Variants in ARL6IP6 observed in about 807,000 individuals in gnomAD.
ARL6IP6 encodes the protein ADP-ribosylation factor-like protein 6-interacting protein 6.
ARL6IP6 carries 22 observed loss-of-function variants against 21.5 expected under a neutral mutation model. That is an observed-to-expected ratio of 1.02 (90% CI 0.73 to 1.46). The LOEUF is 1.46. ARL6IP6 is among the 40% of genes most tolerant of loss of function. ARL6IP6 has a pLI of 0.00. For missense variants in ARL6IP6, 388 were observed against 299.8 expected, an observed-to-expected ratio of 1.29 and a Z score of -2.17; for synonymous variants, 164 against 125.3, an observed-to-expected ratio of 1.31 and a Z score of -2.06.
Position 152,759,967 on chromosome 2 carries a change from C to T in ARL6IP6, c.*127C>T, listed in dbSNP as rs1701760494. On this transcript the variant is annotated 3_prime_UTR_variant, in exon 4 of 4. Coordinates refer to ENST00000326446, the MANE Select transcript of ARL6IP6 (RefSeq NM_152522.7). Reference sequence around the variant, plus strand: ...TTCATTATGTAGTTCAGATATTTATCACAATCATCCTCATTATGGAAGACC... The same window carrying T: ...TTCATTATGTAGTTCAGATATTTATTACAATCATCCTCATTATGGAAGACC... 3 of 717,152 alleles carry T rather than the reference C, an allele frequency of 4.2e-6. No individual in the cohort carries two copies. Among genetic ancestry groups the T allele is most frequent in the African/African-American group, 3.5e-5 (2 of 56,484 alleles). 44.4% of individuals were successfully genotyped at this position (717,152 alleles called of 1,614,324 possible). A position where few individuals can be genotyped will look rare whatever the true frequency, so the allele number is the denominator to read the frequency against.
At position 152,744,554 on chromosome 2, in the gene ARL6IP6, G is replaced by A. The variant is rs1330258998; in HGVS notation, c.587+9428G>A. ...GGCATATGCCAAGGTAAAGAGTGGT[G>A]TCTTTTTTTCACAAATGCCTGCTAA... On this transcript the variant is annotated intron_variant, in intron 3 of 3. Transcript: ENST00000326446. 2.0e-5 allele frequency among the ~76,000 whole-genome samples: 3 copies of A among 152,212 alleles called. No homozygotes were observed. In the East Asian group the frequency reaches 5.8e-4, roughly 29 times the overall value.
intron 2 of ARL6IP6, among the ~76,000 whole-genome samples, chr2:152,724,054 A>G (rs979577326): frequency 6.6e-6 from 1 of 150,698 alleles, no homozygotes; most frequent in African/African-American, 2.4e-5. Context: ...CTATAGCACA[A>G]TTTTTGTAAA....
At chr2:152,718,406 C>T (rs367955105), upstream of ARL6IP6, 70 of 551,934 alleles carry the variant, frequency 1.3e-4, no homozygotes, top group Middle Eastern at 1.0e-3. Flanking sequence ...CCCTTTCCGG[C>T]TACAGCCCTG....
chr2:152,742,608 A>G (rs1700867624), intron 3 of ARL6IP6, among the ~76,000 whole-genome samples: 1 of 150,228 alleles, frequency 6.7e-6, no homozygotes, highest in Admixed American at 6.7e-5. Context: ...TTTGGGGTTC[A>G]TTCTAGGCTT....
chr2:152,729,663 T>G (rs1455091448), intron 2 of ARL6IP6, among the ~76,000 whole-genome samples: 2 of 152,166 alleles, frequency 1.3e-5, no homozygotes, highest in African/African-American at 4.8e-5. Context: ...CAGAACCATT[T>G]TTCTGGTGAG....
chr2:152,718,634 G>C lies in ARL6IP6; in HGVS notation c.10G>C (p.Ala4Pro). 6.5e-7 allele frequency: 1 copy of C among 1,537,102 alleles called. No individual in the cohort carries two copies. Among genetic ancestry groups the C allele is most frequent in the Non-Finnish European group, 8.8e-7 (1 of 1,141,060 alleles). The change falls in exon 1 of 4, where the codon GCT (alanine) becomes CCT (proline). Residue 4 changes from alanine (A) to proline (P), a missense_variant. Transcript: ENST00000326446. Reference sequence around the variant, plus strand: ...CGTTGTGTTTCGCGCCATGTCGTTTGCTGAGAGCGGGTGGCGGTCGGCTCT... The same window carrying C: ...CGTTGTGTTTCGCGCCATGTCGTTTCCTGAGAGCGGGTGGCGGTCGGCTCT... Reference protein sequence around the residue: MSFAESGWRSALRR... With the variant: MSFPESGWRSALRR...
rs757672526 is a variant in ARL6IP6 at position 152,718,909 on chromosome 2, G to C, written c.285G>C (p.Ala95=). The change falls in exon 1 of 4, where the codon GCG becomes GCC. Residue 95 remains alanine (A), a synonymous_variant. Transcript: ENST00000326446. The part of the protein sequence containing the change: ...DKRNGIFPAA[A]GSRAQPRRWP... ...GCAATGGTATCTTTCCCGCGGCCGC[G>C]GGCAGCAGAGCCCAGCCTCGGCGGT... 1 of 1,613,786 alleles carries C rather than the reference G, an allele frequency of 6.2e-7. No homozygotes were observed. The highest frequency in any genetic ancestry group is 1.3e-5 in the African/African-American group (1 of 74,908).
At chr2:152,755,592 G>C (rs1276010853) in intron 3 of ARL6IP6, among the ~76,000 whole-genome samples, 1 of 152,126 alleles carries the variant, frequency 6.6e-6, no homozygotes, top group Non-Finnish European at 1.5e-5. Context: ...TCTCTGCCTT[G>C]GCTGCCAGGC....
chr2:152,729,964 T>C (rs916457102), intron 2 of ARL6IP6, among the ~76,000 whole-genome samples: 1 of 152,208 alleles, frequency 6.6e-6, no homozygotes, highest in Non-Finnish European at 1.5e-5. Flanking sequence ...GTAAAAAATT[T>C]AGTTGTTGGG....
intron 3 of ARL6IP6, among the ~76,000 whole-genome samples, chr2:152,742,570 TAA>T (rs71396304): frequency 1.1e-3 from 132 of 115,982 alleles, no homozygotes; most frequent in East Asian, 1.2e-3. Context: ...ATACGCTCTT[TAA>T]AAAAAAAAAA....
intron 3 of ARL6IP6, among the ~76,000 whole-genome samples, chr2:152,752,937 C>T (rs1376836385): frequency 6.6e-6 from 1 of 151,986 alleles, no homozygotes; most frequent in African/African-American, 2.4e-5. Context: ...ATTCCCTGCC[C>T]CCAGATCTTG....
upstream of ARL6IP6, chr2:152,718,597 C>A: frequency 1.3e-6 from 2 of 1,501,430 alleles, no homozygotes; most frequent in South Asian, 1.4e-5. Flanking sequence ...GAGGCTCGTT[C>A]TCCGCGGGTT....
At chr2:152,753,407 T>C (rs1298565662) in intron 3 of ARL6IP6, among the ~76,000 whole-genome samples, 1 of 152,226 alleles carries the variant, frequency 6.6e-6, no homozygotes, top group East Asian at 1.9e-4. Flanking sequence ...TTTTAGATGC[T>C]GTAGTCTATT....
chr2:152,737,222 A>G (rs1700593512), intron 3 of ARL6IP6, among the ~76,000 whole-genome samples: 2 of 152,110 alleles, frequency 1.3e-5, no homozygotes, highest in Admixed American at 1.3e-4. Context: ...TTGAGAAGTC[A>G]TGATTTTACT....
chr2:152,718,555 G>C, upstream of ARL6IP6: 1 of 1,486,126 alleles, frequency 6.7e-7, no homozygotes, highest in Non-Finnish European at 8.9e-7. Context: ...CCGCGGATTG[G>C]CTGTTGCGGA....
chr2:152,732,002 T>C (rs78538177), intron 2 of ARL6IP6, among the ~76,000 whole-genome samples: 4,439 of 152,176 alleles, frequency 0.029, 228 homozygotes, highest in African/African-American at 0.1. Flanking sequence ...AGTATTCTAT[T>C]GTATGGATGT....
At chr2:152,754,003 G>A (rs1701461785) in intron 3 of ARL6IP6, among the ~76,000 whole-genome samples, 1 of 151,724 alleles carries the variant, frequency 6.6e-6, no homozygotes, top group Non-Finnish European at 1.5e-5. Context: ...GCCCGGTCCA[G>A]GTCCTTTTTA....
chr2:152,759,899 G>GA lies in ARL6IP6; in HGVS notation c.*61dup, dbSNP rs1174754987. 2.1e-6 allele frequency: 3 copies of GA among 1,415,552 alleles called. No homozygotes were observed. The highest frequency in any genetic ancestry group is 3.0e-6 in the Non-Finnish European group (3 of 1,001,932). 87.7% of individuals were successfully genotyped at this position (1,415,552 alleles called of 1,614,324 possible). On this transcript the variant is annotated 3_prime_UTR_variant, in exon 4 of 4. Coordinates refer to ENST00000326446, the MANE Select transcript of ARL6IP6 (RefSeq NM_152522.7). The stretch of plus-strand genomic sequence containing the variant: ...AATCATGATTGTTTTGTAATAACAA[G>GA]AAGGAGCATCACTGTCTACTCAGAA...
intron 3 of ARL6IP6, among the ~76,000 whole-genome samples, chr2:152,741,934 G>A (rs1334826968): frequency 6.6e-6 from 1 of 152,110 alleles, no homozygotes; most frequent in Non-Finnish European, 1.5e-5. Context: ...TGTTATTAAA[G>A]GTTTGTTAAC....
Sources: gnomAD v4.1 joint callset for allele counts (sites outside exome capture counted in the v4.1 genomes callset) on GRCh38, gnomAD v4.1.1 for gene constraint, MANE v1.5 for transcripts, NCBI Gene and HGNC (gene_info 2026-07-23, HGNC 2026-07-21) for gene names.